The following CASR variants were observed in gnomAD, a reference collection of about 807,000 sequenced individuals.
CASR encodes extracellular calcium-sensing receptor.
In CASR, 23 loss-of-function variants were observed where a neutral mutation model predicts 69.1. The ratio of observed to expected loss-of-function variants is 0.33; its 90% CI spans 0.24 to 0.47. The LOEUF (loss-of-function observed/expected upper bound fraction) is 0.47. Among genes scored for constraint, CASR ranks in the 20% least tolerant of loss-of-function variants. The pLI is 1.00. For missense variants in CASR, 924 were observed against 1,356.1 expected, an observed-to-expected ratio of 0.68 and a Z score of 5.00; for synonymous variants, 541 against 544.7, an observed-to-expected ratio of 0.99 and a Z score of 0.10.
chr3:122,279,383 A>G (rs926004604), intron 5 of CASR, among the ~76,000 whole-genome samples: 1 of 152,226 alleles, frequency 6.6e-6, no homozygotes, highest in African/African-American at 2.4e-5. Flanking sequence ...TAATCTTGAT[A>G]CCAAAAACAG....
chr3:122,249,316 C>A (rs1311181482), intron 1 of CASR, among the ~76,000 whole-genome samples: 1 of 152,332 alleles, frequency 6.6e-6, no homozygotes, highest in South Asian at 2.1e-4. Flanking sequence ...CTCTTTATAA[C>A]ATTTAGATCA....
chr3:122,226,470 C>A (rs2074223737), intron 1 of CASR, among the ~76,000 whole-genome samples: 1 of 152,092 alleles, frequency 6.6e-6, no homozygotes, highest in Admixed American at 6.5e-5. Context: ...AGCAAAAGAA[C>A]AAAGCTTCCA....
chr3:122,248,876 C>T (rs1486058162), intron 1 of CASR, among the ~76,000 whole-genome samples: 1 of 152,170 alleles, frequency 6.6e-6, no homozygotes, highest in East Asian at 1.9e-4. Flanking sequence ...CCTCTGTTAA[C>T]TTGTTTTGAC....
At chr3:122,212,125 A>G (rs1172383184) in intron 1 of CASR, among the ~76,000 whole-genome samples, 1 of 152,204 alleles carries the variant, frequency 6.6e-6, no homozygotes, top group Non-Finnish European at 1.5e-5. Flanking sequence ...TCATTGCAGC[A>G]CCGTGCACAA....
chr3:122,201,623 C>T (rs544271797), intron 1 of CASR, among the ~76,000 whole-genome samples: 48 of 138,270 alleles, frequency 3.5e-4, no homozygotes, highest in South Asian at 2.9e-3. Context: ...GCTGGCCGGG[C>T]GGGGGCGACC....
intron 1 of CASR, among the ~76,000 whole-genome samples, chr3:122,240,149 A>G (rs2074366887): frequency 6.6e-6 from 1 of 152,216 alleles, no homozygotes; most frequent in African/African-American, 2.4e-5. Flanking sequence ...AACAGGAAAG[A>G]AGCATATAAC....
chr3:122,241,741 G>A (rs570899532), intron 1 of CASR, among the ~76,000 whole-genome samples: 2 of 152,020 alleles, frequency 1.3e-5, no homozygotes, highest in South Asian at 2.1e-4. Context: ...GAAAACTACA[G>A]GCCAACATCT....
chr3:122,241,494 C>T (rs2074378982), intron 1 of CASR, among the ~76,000 whole-genome samples: 1 of 151,936 alleles, frequency 6.6e-6, no homozygotes, highest in Non-Finnish European at 1.5e-5. Flanking sequence ...AAATCCAGAA[C>T]CTGAACAGAC....
chr3:122,216,151 C>G (rs185157679), intron 1 of CASR, among the ~76,000 whole-genome samples: 3 of 152,290 alleles, frequency 2.0e-5, no homozygotes, highest in East Asian at 3.9e-4. Flanking sequence ...AATCTTGTTT[C>G]TTGATGGGTA....
chr3:122,241,797 CA>C (rs2074381460), intron 1 of CASR, among the ~76,000 whole-genome samples: 1 of 151,996 alleles, frequency 6.6e-6, no homozygotes, highest in African/African-American at 2.4e-5. Context: ...ACTGACAAAC[CA>C]AATTCAACAA....
chr3:122,284,265 A>C lies in CASR; in HGVS notation c.2311A>C (p.Met771Leu). The C allele has an allele frequency of 6.2e-7, 1 of 1,614,100 alleles. No individual in the cohort carries two copies. The highest frequency in any genetic ancestry group is 8.5e-7 in the Non-Finnish European group (1 of 1,179,986). The change falls in exon 7 of 7, where the codon ATG becomes CTG. Residue 771 changes from methionine to leucine, a missense_variant. Met to Leu is a conservative substitution (Grantham distance 15). Coordinates refer to ENST00000639785, the MANE Select transcript of CASR (RefSeq NM_000388.4). ...IFITCHEGSL[M>L]ALGFLIGYTC... Reference sequence around the variant, plus strand: ...CATCACGTGCCACGAGGGCTCCCTCATGGCCCTGGGCTTCCTGATCGGCTA... The same window carrying C: ...CATCACGTGCCACGAGGGCTCCCTCCTGGCCCTGGGCTTCCTGATCGGCTA...
chr3:122,212,817 T>C (rs2074082080), intron 1 of CASR, among the ~76,000 whole-genome samples: 2 of 152,112 alleles, frequency 1.3e-5, no homozygotes, highest in South Asian at 4.1e-4. Flanking sequence ...AATTTTTGTA[T>C]TTTTAGTAGA....
At chr3:122,279,921 T>C (rs2074867575) in intron 5 of CASR, among the ~76,000 whole-genome samples, 1 of 152,178 alleles carries the variant, frequency 6.6e-6, no homozygotes, top group Non-Finnish European at 1.5e-5. Context: ...AAACCCAGCA[T>C]GCACTAGCTC....
chr3:122,210,315 C>G (rs548494176), intron 1 of CASR, among the ~76,000 whole-genome samples: 3 of 152,336 alleles, frequency 2.0e-5, no homozygotes, highest in East Asian at 3.9e-4. Flanking sequence ...TTGCAGATGA[C>G]ATGATCCTAT....
intron 1 of CASR, among the ~76,000 whole-genome samples, chr3:122,194,090 C>T (rs2073864598): frequency 6.6e-6 from 1 of 152,116 alleles, no homozygotes; most frequent in South Asian, 2.1e-4. Context: ...ATCCCGTGCT[C>T]TCCAGTCTAC....
At chr3:122,213,369 A>G (rs935917078) in intron 1 of CASR, among the ~76,000 whole-genome samples, 2 of 152,180 alleles carry the variant, frequency 1.3e-5, no homozygotes, top group African/African-American at 2.4e-5. Context: ...GTACCCACCC[A>G]GGAAAACACT....
rs34389722 is a variant in CASR at position 122,258,950 on chromosome 3, T to C, written c.492+1563T>C. Among the ~76,000 whole-genome samples the C allele has an allele frequency of 2.1e-3, 323 of 152,202 alleles. 1 individual carries two copies. Among genetic ancestry groups the C allele is most frequent in the African/African-American group, 7.4e-3 (309 of 41,528 alleles). ...ACCACTGCCCTGCCGGGTGAGGTCA[T>C]GGACCCAGGGGTATTTCGTATGCCA... is the stretch of plus-strand genomic sequence containing the variant. On this transcript the variant is annotated intron_variant, in intron 3 of 6. Transcript: ENST00000639785.
At chr3:122,188,898 G>A (rs2073814446) in intron 1 of CASR, among the ~76,000 whole-genome samples, 1 of 152,174 alleles carries the variant, frequency 6.6e-6, no homozygotes, top group Admixed American at 6.5e-5. Flanking sequence ...TGCAGTCTTG[G>A]TAACCACAGT....
At chr3:122,223,730 C>G (rs2074195598) in intron 1 of CASR, among the ~76,000 whole-genome samples, 1 of 152,058 alleles carries the variant, frequency 6.6e-6, no homozygotes, top group Admixed American at 6.6e-5. Context: ...CTGGCAAAGA[C>G]ACAACCAAAA....
Sources: gnomAD v4.1 joint callset for allele counts (sites outside exome capture counted in the v4.1 genomes callset) on GRCh38, gnomAD v4.1.1 for gene constraint, MANE v1.5 for transcripts, NCBI Gene and HGNC (gene_info 2026-07-23, HGNC 2026-07-21) for gene names.